The following TANC2 variants were observed in gnomAD, a reference collection of about 807,000 sequenced individuals.
The protein encoded by TANC2 is tetratricopeptide repeat, ankyrin repeat and coiled-coil containing 2, also known as protein TANC2.
In TANC2, 26 loss-of-function variants were observed where a neutral mutation model predicts 210.5. The ratio of observed to expected loss-of-function variants is 0.12; its 90% CI spans 0.09 to 0.17. The LOEUF (loss-of-function observed/expected upper bound fraction) is 0.17, where lower values mean the gene tolerates loss of function less well. Ranked by LOEUF, TANC2 falls within the 10% of genes least tolerant of loss-of-function variation. The pLI, the probability that TANC2 is intolerant of heterozygous loss-of-function variation, is 1.00. For missense variants in TANC2, 2,129 were observed against 2,608.9 expected (o/e 0.82, Z 4.01); for synonymous variants, 931 against 967.1 (o/e 0.96, Z 0.69).
chr17:63,318,666 A>T (rs981129528), intron 10 of TANC2, among the ~76,000 whole-genome samples: 1 of 152,134 alleles, frequency 6.6e-6, no homozygotes, highest in Non-Finnish European at 1.5e-5. Context: ...CCGTTCTAGC[A>T]TGTATCGGTA....
At chr17:63,025,821 T>TTAAATTAAAATAAAA (rs371590112) in intron 2 of TANC2, among the ~76,000 whole-genome samples, 4 of 141,474 alleles carry the variant, frequency 2.8e-5, no homozygotes, top group African/African-American at 8.3e-5. Flanking sequence ...TAAAATTAAA[T>TTAAATTAAAATAAAA]TAAAATAAAA....
rs561795025 is a variant in TANC2, at chr17:62,977,003, G to A, written c.-24+10254G>A. 1.4e-4 allele frequency among the ~76,000 whole-genome samples: 22 copies of A among 152,306 alleles called. No homozygotes were observed. The South Asian group carries it at 1.9e-3, about 13-fold the overall frequency. On this transcript the variant is annotated intron_variant, in intron 1 of 27. Coordinates refer to ENST00000689528, the Ensembl canonical transcript of TANC2. ...CCAGACACAGCAGTAAGGTGGACGC[G>A]TCAGGTTATAAATGACCCTGTCTCC...
intron 8 of TANC2, among the ~76,000 whole-genome samples, chr17:63,244,107 G>A (rs2042851346): frequency 6.6e-6 from 1 of 152,182 alleles, no homozygotes; most frequent in Non-Finnish European, 1.5e-5. Context: ...GGATTCTCTG[G>A]TGGAGCTTTC....
rs182112877 is a variant in TANC2, at chr17:63,199,480, G to A, written c.583-1291G>A. Among the ~76,000 whole-genome samples the A allele has an allele frequency of 1.1e-3, 162 of 152,072 alleles. 2 individuals are homozygous for A. The East Asian group carries it at 0.027, about 25-fold the overall frequency. ...CTAAAACTATAAAAATTAGCCAGGC[G>A]TGATATTTGGCGGCTGTAATCCCAG... On this transcript the variant is annotated intron_variant, in intron 6 of 27. Coordinates refer to ENST00000689528, the Ensembl canonical transcript of TANC2.
At chr17:63,237,716 G>A (rs1458021049) in intron 7 of TANC2, 98 bp from the exon 8 acceptor site, 4 of 1,272,450 alleles carry the variant, frequency 3.1e-6, no homozygotes, top group South Asian at 1.6e-5. Context: ...TTTGAAAATG[G>A]TGTCCTTTCC....
intron 9 of TANC2, among the ~76,000 whole-genome samples, chr17:63,309,774 AAT>A (rs150165891): frequency 0.073 from 11,119 of 152,206 alleles, 1,273 homozygotes; most frequent in African/African-American, 0.24. Flanking sequence ...AAATAAGAAT[AAT>A]GATGGGAGAC....
chr17:63,167,905 A>AAAAAG (rs1331653801), intron 5 of TANC2, among the ~76,000 whole-genome samples: 2 of 150,786 alleles, frequency 1.3e-5, no homozygotes, highest in African/African-American at 2.4e-5. Flanking sequence ...AAAAAAAAAA[A>AAAAAG]AAAAGAAAAG....
chr17:63,363,247 T>C (rs986795125), intron 14 of TANC2, among the ~76,000 whole-genome samples: 2 of 152,216 alleles, frequency 1.3e-5, no homozygotes, highest in African/African-American at 4.8e-5. Context: ...TCTTTATATA[T>C]TCTGGTTATT....
chr17:63,316,755 A>G (rs987710551), intron 10 of TANC2, among the ~76,000 whole-genome samples: 36 of 152,274 alleles, frequency 2.4e-4, no homozygotes, highest in Non-Finnish European at 4.1e-4. Context: ...ACTATATTCT[A>G]CCAGTGCCAT....
rs538378760 is a variant in TANC2 at position 63,024,511 on chromosome 17, A to G, written c.67+14885A>G. Among the ~76,000 whole-genome samples, 26 of 152,264 alleles carry G rather than the reference A, an allele frequency of 1.7e-4. 1 individual carries two copies. In the South Asian group the frequency reaches 5.2e-3, roughly 30 times the overall value. ...CTTTACTGCACCCTGTTTTGTCAGC[A>G]TGGTCTTTACGACCTGTATCTTGTG... On this transcript the variant is annotated intron_variant, in intron 2 of 27. Coordinates refer to ENST00000689528, the Ensembl canonical transcript of TANC2.
intron 9 of TANC2, among the ~76,000 whole-genome samples, chr17:63,278,672 C>A (rs1343100370): frequency 6.6e-6 from 1 of 152,130 alleles, no homozygotes; most frequent in Non-Finnish European, 1.5e-5. Context: ...GATATTTTCA[C>A]TCCTATGTTT....
rs181251552 is a variant in TANC2, at chr17:63,061,885, G to A, written c.68-12058G>A. ...GATCATTTTGTTTATTTGATCTTGC[G>A]TTTCTTCTAGTTTAGTCTTCATTAC... On this transcript the variant is annotated intron_variant, in intron 2 of 27. Transcript: ENST00000689528. 2.6e-5 allele frequency among the ~76,000 whole-genome samples: 4 copies of A among 151,758 alleles called. No homozygotes were observed. In the East Asian group the frequency reaches 5.8e-4, roughly 22 times the overall value.
chr17:63,090,103 C>G (rs2037125772), intron 3 of TANC2, among the ~76,000 whole-genome samples: 1 of 152,088 alleles, frequency 6.6e-6, no homozygotes, highest in African/African-American at 2.4e-5. Context: ...TCAACCTAAT[C>G]CCTAGCAACG....
chr17:63,318,933 A>G lies in TANC2; in HGVS notation c.1442-24A>G, dbSNP rs776966446. ...AAAGTTTTTATGATTATCTGATGCA[A>G]ACATCTAAATCTTTTTAATCCAGAT... On this transcript the variant is annotated intron_variant, in intron 10 of 27. Transcript: ENST00000689528. 5 of 1,611,574 alleles carry G rather than the reference A, an allele frequency of 3.1e-6. No individual in the cohort carries two copies. The South Asian group carries it at 3.3e-5, about 11-fold the overall frequency.
chr17:63,043,302 G>A (rs759452186), intron 2 of TANC2, among the ~76,000 whole-genome samples: 1 of 152,006 alleles, frequency 6.6e-6, no homozygotes, highest in Admixed American at 6.5e-5. Flanking sequence ...TGGGTTCTCA[G>A]TAATTGATGT....
chr17:63,355,199 C>A, exon 14 of TANC2: 1 of 1,613,786 alleles, frequency 6.2e-7, no homozygotes, highest in Non-Finnish European at 8.5e-7. Flanking sequence ...ATGAGCATAT[C>A]TTCCAGGCCA....
intron 7 of TANC2, among the ~76,000 whole-genome samples, chr17:63,210,189 T>A (rs939899524): frequency 6.6e-5 from 10 of 152,214 alleles, no homozygotes; most frequent in Admixed American, 5.9e-4. Flanking sequence ...CAAGGCTGAC[T>A]CTCAGCCTTT....
At chr17:63,362,081 A>C (rs186856554) in intron 14 of TANC2, among the ~76,000 whole-genome samples, 2 of 152,120 alleles carry the variant, frequency 1.3e-5, no homozygotes, top group African/African-American at 4.8e-5. Context: ...GATAGCTCCT[A>C]TGTACAGGCA....
At chr17:63,153,116 G>A (rs2039713129) in intron 5 of TANC2, 1 of 152,066 alleles carries the variant, frequency 6.6e-6, no homozygotes, top group Non-Finnish European at 1.5e-5. Context: ...AGATAAGAAT[G>A]GTAACCTGAG....
Sources: gnomAD v4.1 joint callset for allele counts (sites outside exome capture counted in the v4.1 genomes callset) on GRCh38, gnomAD v4.1.1 for gene constraint, MANE v1.5 for transcripts, NCBI Gene and HGNC (gene_info 2026-07-23, HGNC 2026-07-21) for gene names.